Variants in NCOA2 observed in about 807,000 individuals in gnomAD.
The protein encoded by NCOA2 is class E basic helix-loop-helix protein 75.
NCOA2 carries 21 observed loss-of-function variants against 145.1 expected under a neutral mutation model. The ratio of observed to expected loss-of-function variants is 0.14; its 90% CI spans 0.10 to 0.21. The LOEUF is 0.21. Among genes scored for constraint, NCOA2 ranks in the 10% least tolerant of loss-of-function variants. NCOA2 has a pLI of 1.00. For missense variants in NCOA2, 1,472 were observed against 1,837.6 expected (o/e 0.80, Z 3.64); for synonymous variants, 619 against 637.5 (o/e 0.97, Z 0.44).
At chr8:70,158,966 C>T (rs965222668) in intron 10 of NCOA2, among the ~76,000 whole-genome samples, 1 of 151,318 alleles carries the variant, frequency 6.6e-6, no homozygotes, top group African/African-American at 2.4e-5. Flanking sequence ...AGTGTTAAGG[C>T]TAAAATTCAA....
At chr8:70,424,257 T>C in the NCOA2 span, 1 of 384,242 alleles carries the variant, frequency 2.6e-6, no homozygotes, top group Non-Finnish European at 5.0e-6. Flanking sequence ...GCTCCAGGTC[T>C]TCACGGAGCT....
At chr8:70,377,431 T>C (rs1225200006) in intron 1 of NCOA2, among the ~76,000 whole-genome samples, 1 of 152,172 alleles carries the variant, frequency 6.6e-6, no homozygotes, top group Admixed American at 6.5e-5. Context: ...ACATTACATT[T>C]TTTAGTATCC....
At chr8:70,382,911 C>A (rs1812341083) in intron 1 of NCOA2, among the ~76,000 whole-genome samples, 1 of 152,196 alleles carries the variant, frequency 6.6e-6, no homozygotes, top group African/African-American at 2.4e-5. Context: ...TGATATGGCA[C>A]ATCACAAACT....
intron 2 of NCOA2, among the ~76,000 whole-genome samples, chr8:70,234,529 C>A (rs2926718): frequency 0.89 from 136,142 of 152,170 alleles, 61,334 homozygotes; most frequent in African/African-American, 0.95. Flanking sequence ...AAACCTTGTT[C>A]TTTTTGTTTT....
chr8:70,200,877 G>C (rs948565964), intron 4 of NCOA2, among the ~76,000 whole-genome samples: 2 of 151,748 alleles, frequency 1.3e-5, no homozygotes, highest in African/African-American at 4.8e-5. Context: ...GTGCAACATA[G>C]CGAGAACTCA....
chr8:70,270,966 T>C (rs549674319), intron 2 of NCOA2, among the ~76,000 whole-genome samples: 1 of 152,376 alleles, frequency 6.6e-6, no homozygotes, highest in African/African-American at 2.4e-5. Context: ...TGATGAATTA[T>C]ATGAATTTTC....
intron 4 of NCOA2, among the ~76,000 whole-genome samples, chr8:70,186,663 T>C (rs1370553047): frequency 6.6e-6 from 1 of 152,172 alleles, no homozygotes; most frequent in Non-Finnish European, 1.5e-5. Context: ...AAGGTTTGCA[T>C]ATGTAACAAA....
chr8:70,273,148 C>G (rs1825185191), intron 2 of NCOA2, among the ~76,000 whole-genome samples: 1 of 152,038 alleles, frequency 6.6e-6, no homozygotes, highest in African/African-American at 2.4e-5. Flanking sequence ...CCAAGGCACA[C>G]CTATAATTTT....
intron 1 of NCOA2, among the ~76,000 whole-genome samples, chr8:70,379,037 C>T (rs1051334380): frequency 9.9e-5 from 15 of 152,152 alleles, no homozygotes; most frequent in Non-Finnish European, 1.3e-4. Context: ...CTCCTGAAGA[C>T]AAGCAGTTAA....
chr8:70,156,584 T>C lies in NCOA2; in HGVS notation c.1781A>G (p.Glu594Gly), dbSNP rs549257468. ...DCFGLYGEPS[E>G]GTTGQAESSC... ...GCTCTCTGCTTGTCCAGTTGTACCT[T>C]CAGAGGGCTCCCCATATAGTCCAAA... Residue 594 changes from glutamate to glycine, a missense_variant, in exon 11 of 23, where the codon GAA becomes GGA. Glu to Gly is a moderately conservative substitution (Grantham distance 98). This residue lies in a region of NCOA2 where 953 missense variants were observed against 1,062.1 expected (regional missense o/e 0.90). Transcript: ENST00000452400. The C allele has an allele frequency of 3.1e-6, 5 of 1,613,946 alleles. No individual in the cohort carries two copies. The East Asian group carries it at 1.1e-4, about 36-fold the overall frequency.
At chr8:70,405,442 T>TG (rs1814731413), upstream of NCOA2, among the ~76,000 whole-genome samples, 1 of 116,026 alleles carries the variant, frequency 8.6e-6, no homozygotes, top group Non-Finnish European at 1.7e-5. Context: ...TAAAGGTTTT[T>TG]TTTTTTTTTT....
chr8:70,249,218 A>C (rs1822893134), intron 2 of NCOA2, among the ~76,000 whole-genome samples: 1 of 152,200 alleles, frequency 6.6e-6, no homozygotes, highest in Non-Finnish European at 1.5e-5. Context: ...ATTGAAGAGC[A>C]GACACCATAC....
intron 1 of NCOA2, among the ~76,000 whole-genome samples, chr8:70,298,279 C>T (rs1032460667): frequency 6.6e-6 from 1 of 152,142 alleles, no homozygotes; most frequent in Non-Finnish European, 1.5e-5. Flanking sequence ...ATTTCATAAT[C>T]TAAAAGGTCT....
chr8:70,113,684 GT>G (rs1806755739), intron 22 of NCOA2, 41 bp from the exon 23 acceptor site: 1 of 1,545,018 alleles, frequency 6.5e-7, no homozygotes, highest in Non-Finnish European at 8.8e-7. Context: ...CATCTTTGAG[GT>G]TTTGAAAAAA....
the NCOA2 span, among the ~76,000 whole-genome samples, chr8:70,453,851 T>A: frequency 1.3e-5 from 2 of 152,204 alleles, no homozygotes; most frequent in Non-Finnish European, 2.9e-5. Flanking sequence ...TGCTAGATAA[T>A]GTTATGCTTT....
intron 4 of NCOA2, among the ~76,000 whole-genome samples, chr8:70,212,720 T>C (rs530511860): frequency 4.6e-5 from 7 of 152,286 alleles, no homozygotes; most frequent in Non-Finnish European, 1.0e-4. Flanking sequence ...TTTTATGAAA[T>C]ATGCCTTTTT....
chr8:70,321,618 G>A (rs964893239), intron 1 of NCOA2, among the ~76,000 whole-genome samples: 6 of 151,918 alleles, frequency 3.9e-5, no homozygotes, highest in African/African-American at 1.5e-4. Context: ...TTCTCACAGA[G>A]GAAGTAGACT....
At chr8:70,437,554 A>G in the NCOA2 span, among the ~76,000 whole-genome samples, 1 of 152,250 alleles carries the variant, frequency 6.6e-6, no homozygotes, top group African/African-American at 2.4e-5. Context: ...CACAATGATG[A>G]CATACAAATT....
intron 5 of NCOA2, among the ~76,000 whole-genome samples, chr8:70,172,308 C>CAAT (rs1489075028): frequency 1.1e-4 from 16 of 152,176 alleles, no homozygotes; most frequent in Non-Finnish European, 2.1e-4. Context: ...ACACATACAA[C>CAAT]AATGAATTTG....
Sources: gnomAD v4.1 joint callset for allele counts (sites outside exome capture counted in the v4.1 genomes callset) on GRCh38, gnomAD v4.1.1 for gene constraint, gnomAD v4.1.1 regional missense constraint, MANE v1.5 for transcripts, NCBI Gene and HGNC (gene_info 2026-07-23, HGNC 2026-07-21) for gene names.